The following SCFD1 variants were observed in gnomAD, a reference collection of about 807,000 sequenced individuals.
SCFD1 encodes the protein sec1 family domain containing 1, also known as sec1 family domain-containing protein 1.
Under a neutral mutation model 103.2 loss-of-function variants are expected in SCFD1, and 37 were observed. The ratio of observed to expected loss-of-function variants is 0.36; its 90% CI spans 0.28 to 0.47. The LOEUF (loss-of-function observed/expected upper bound fraction) is 0.47. Ranked by LOEUF, SCFD1 falls within the 20% of genes least tolerant of loss-of-function variation. SCFD1 has a pLI of 1.00. For missense variants in SCFD1, 639 were observed against 761.2 expected (o/e 0.84, Z 1.89); for synonymous variants, 264 against 245.0 (o/e 1.08, Z -0.73).
chr14:30,705,428 GA>G (rs1891403758), intron 17 of SCFD1, among the ~76,000 whole-genome samples: 2 of 152,144 alleles, frequency 1.3e-5, no homozygotes, highest in South Asian at 4.1e-4. Flanking sequence ...TGATCAGATA[GA>G]AATGAAGAAA....
chr14:30,695,524 G>C (rs1890634682), intron 15 of SCFD1, among the ~76,000 whole-genome samples: 1 of 151,762 alleles, frequency 6.6e-6, no homozygotes, highest in South Asian at 2.1e-4. Flanking sequence ...AGGGATGAAG[G>C]GAACAAAAAA....
chr14:30,721,227 C>T (rs981251492), intron 21 of SCFD1, among the ~76,000 whole-genome samples: 3 of 151,960 alleles, frequency 2.0e-5, no homozygotes, highest in East Asian at 1.9e-4. Context: ...TTATGATAGC[C>T]CTCTTTTCTC....
chr14:30,647,242 T>G (rs1214815600), intron 7 of SCFD1, among the ~76,000 whole-genome samples: 2 of 152,186 alleles, frequency 1.3e-5, no homozygotes, highest in African/African-American at 2.4e-5. Context: ...CACACTAGAT[T>G]AATAAAATAT....
At chr14:30,633,706 A>G (rs1248889104) in intron 3 of SCFD1, among the ~76,000 whole-genome samples, 1 of 152,200 alleles carries the variant, frequency 6.6e-6, no homozygotes, top group Admixed American at 6.5e-5. Flanking sequence ...GACCATAAGC[A>G]GTGCTAAAAG....
chr14:30,630,159 A>G (rs1883956606), intron 2 of SCFD1, among the ~76,000 whole-genome samples: 1 of 152,180 alleles, frequency 6.6e-6, no homozygotes, highest in African/African-American at 2.4e-5. Flanking sequence ...ATAATTATTT[A>G]TTTTAGCCTG....
chr14:30,656,845 A>G (rs1886955085), intron 10 of SCFD1, among the ~76,000 whole-genome samples: 1 of 152,138 alleles, frequency 6.6e-6, no homozygotes. Context: ...GATGTTCAGA[A>G]TAGGAGATTT....
intron 17 of SCFD1, among the ~76,000 whole-genome samples, chr14:30,705,320 A>T (rs1204181096): frequency 2.6e-5 from 4 of 152,226 alleles, no homozygotes; most frequent in African/African-American, 7.2e-5. Context: ...ACCTGGAAAC[A>T]AGGGAGCATA....
chr14:30,724,451 C>T (rs550658849), intron 23 of SCFD1, among the ~76,000 whole-genome samples: 1 of 151,838 alleles, frequency 6.6e-6, no homozygotes, highest in African/African-American at 2.4e-5. Flanking sequence ...CGGAGTTACA[C>T]CACGTTGGCC....
At chr14:30,723,795 A>T (rs1337777779) in intron 23 of SCFD1, among the ~76,000 whole-genome samples, 7 of 152,126 alleles carry the variant, frequency 4.6e-5, no homozygotes, top group African/African-American at 1.7e-4. Context: ...GTCTAGTCTA[A>T]CATCAGTGGA....
At chr14:30,697,744 C>T (rs1263002475) in intron 15 of SCFD1, among the ~76,000 whole-genome samples, 6 of 152,112 alleles carry the variant, frequency 3.9e-5, no homozygotes, top group Non-Finnish European at 7.3e-5. Flanking sequence ...TTAGACAAAA[C>T]TTAATTGTGT....
chr14:30,670,750 T>C (rs1045896993), intron 11 of SCFD1, among the ~76,000 whole-genome samples: 1 of 152,112 alleles, frequency 6.6e-6, no homozygotes, highest in Non-Finnish European at 1.5e-5. Context: ...TCCTTTTTGT[T>C]ACATGTTGCC....
intron 7 of SCFD1, chr14:30,643,925 G>T (rs1885544949): frequency 2.2e-6 from 1 of 456,262 alleles, no homozygotes; most frequent in Non-Finnish European, 4.4e-6. Flanking sequence ...TAAATTGCGT[G>T]TCACTGGGGT....
At chr14:30,661,885 T>C (rs1194206025) in intron 10 of SCFD1, among the ~76,000 whole-genome samples, 2 of 152,168 alleles carry the variant, frequency 1.3e-5, no homozygotes, top group Non-Finnish European at 2.9e-5. Context: ...GAAACTGTTA[T>C]AGGTATTGAA....
intron 9 of SCFD1, 138 bp downstream of exon 9, chr14:30,650,788 C>T (rs1886328564): frequency 3.7e-6 from 2 of 541,052 alleles, no homozygotes; most frequent in South Asian, 3.1e-5. Flanking sequence ...AAGGTTTTGA[C>T]TCATATTGTT....
At chr14:30,666,462 C>T (rs1433905640) in intron 10 of SCFD1, among the ~76,000 whole-genome samples, 1 of 152,062 alleles carries the variant, frequency 6.6e-6, no homozygotes, top group Non-Finnish European at 1.5e-5. Flanking sequence ...AGACCTAAAA[C>T]TGACACCCTA....
intron 23 of SCFD1, among the ~76,000 whole-genome samples, chr14:30,725,231 G>C (rs1892960178): frequency 6.6e-6 from 1 of 152,132 alleles, no homozygotes; most frequent in Admixed American, 6.5e-5. Context: ...AATGTCAGTG[G>C]TGATTTAATA....
chr14:30,657,190 C>A (rs1403676750), intron 10 of SCFD1, among the ~76,000 whole-genome samples: 2 of 151,836 alleles, frequency 1.3e-5, no homozygotes, highest in Non-Finnish European at 2.9e-5. Context: ...CCTGGGCTCC[C>A]TCTTCATTCC....
chr14:30,647,102 G>A (rs1157423778), intron 7 of SCFD1, among the ~76,000 whole-genome samples: 1 of 152,032 alleles, frequency 6.6e-6, no homozygotes, highest in Admixed American at 6.6e-5. Context: ...CACTGATGTA[G>A]ATTGTCTAAA....
intron 18 of SCFD1, among the ~76,000 whole-genome samples, chr14:30,706,708 C>G (rs778710386): frequency 6.6e-6 from 1 of 152,174 alleles, no homozygotes; most frequent in Non-Finnish European, 1.5e-5. Context: ...GTAATTCTGA[C>G]TACTCTTTTT....
Sources: allele counts gnomAD v4.1 joint callset (sites outside exome capture counted in the v4.1 genomes callset), GRCh38; gene constraint gnomAD v4.1.1; transcripts MANE v1.5; gene names NCBI Gene and HGNC (gene_info 2026-07-23, HGNC 2026-07-21).